Variants in IPO5 observed in about 807,000 individuals in gnomAD.
The protein encoded by IPO5 is importin-5.
IPO5 carries 18 observed loss-of-function variants against 143.3 expected under a neutral mutation model. The ratio of observed to expected loss-of-function variants is 0.13; its 90% CI spans 0.09 to 0.19. The LOEUF (loss-of-function observed/expected upper bound fraction) is 0.19. Among genes scored for constraint, IPO5 ranks in the 10% least tolerant of loss-of-function variants. The pLI, the probability that IPO5 is intolerant of heterozygous loss-of-function variation, is 1.00. For missense variants in IPO5, 1,013 were observed against 1,336.9 expected (o/e 0.76, Z 3.78); for synonymous variants, 477 against 465.7 (o/e 1.02, Z -0.31).
chr13:98,003,172 C>T (rs1166953290), intron 16 of IPO5, 135 bp downstream of exon 16: 12 of 713,342 alleles, frequency 1.7e-5, no homozygotes, highest in Admixed American at 2.6e-5. Context: ...GGAGGCTATT[C>T]GGAGTTGTGG....
At chr13:97,960,201 C>T (rs1171107842) in intron 2 of IPO5, 2 of 152,274 alleles carry the variant, frequency 1.3e-5, no homozygotes, top group African/African-American at 4.8e-5. Context: ...TATGTATGTC[C>T]TCACAATGCA....
At chr13:97,999,492 A>T (rs1444845611) in intron 12 of IPO5, among the ~76,000 whole-genome samples, 1 of 152,198 alleles carries the variant, frequency 6.6e-6, no homozygotes, top group Non-Finnish European at 1.5e-5. Flanking sequence ...TCTAAACTAG[A>T]TGAATAAGAT....
In IPO5 at chr13:97,976,747, C is replaced by G; in HGVS notation, c.51C>G (p.Asn17Lys). ...AACAGTTCTACCTGCTCCTGGGAAACCTGCTCAGCCCCGACAATGTGGTCC... is the reference window on the plus strand; with the variant it reads ...AACAGTTCTACCTGCTCCTGGGAAAGCTGCTCAGCCCCGACAATGTGGTCC... Reference protein sequence around the residue: ...EQQQFYLLLGNLLSPDNVVRK... With the variant: ...EQQQFYLLLGKLLSPDNVVRK... Residue 17 changes from asparagine to lysine, a missense_variant, in exon 4 of 29, where the codon AAC (asparagine) becomes AAG (lysine). Transcript: ENST00000651721. 1.4e-6 allele frequency: 2 copies of G among 1,415,856 alleles called. No homozygotes were observed. Among genetic ancestry groups the G allele is most frequent in the Non-Finnish European group, 1.9e-6 (2 of 1,060,498 alleles). The allele number at this position is 1,415,856 out of a possible 1,614,324, so 87.7% of individuals were successfully genotyped here.
intron 20 of IPO5, among the ~76,000 whole-genome samples, chr13:98,010,798 T>TTTTTTTTTTTTTA (rs1555311050): frequency 7.0e-6 from 1 of 143,662 alleles, no homozygotes; most frequent in Non-Finnish European, 1.5e-5. Context: ...TTTTTTTTTT[T>TTTTTTTTTTTTTA]GAGGTGGAGT....
chr13:98,015,500 T>G (rs757809913), intron 22 of IPO5, 30 bp from the exon 23 acceptor site: 28 of 1,322,590 alleles, frequency 2.1e-5, no homozygotes, highest in Non-Finnish European at 2.9e-5. Flanking sequence ...CCAAATCTTA[T>G]GGATTGCTTT....
At chr13:97,979,364 A>G (rs1038144143) in intron 4 of IPO5, among the ~76,000 whole-genome samples, 3 of 152,238 alleles carry the variant, frequency 2.0e-5, no homozygotes, top group Admixed American at 6.5e-5. Context: ...TAAAAAGTTA[A>G]AACTTTTTTC....
chr13:98,011,727 G>A lies in IPO5; in HGVS notation c.2056-519G>A, dbSNP rs1472800074. Among the ~76,000 whole-genome samples the A allele has an allele frequency of 4.6e-5, 7 of 152,176 alleles. No homozygotes were observed. In the South Asian group the frequency reaches 6.2e-4, roughly 14 times the overall value. On this transcript the variant is annotated intron_variant, in intron 20 of 28. Coordinates refer to ENST00000651721, the MANE Select transcript of IPO5 (RefSeq NM_002271.6). ...TCACTGTGTTGGCCAGGCTGGTCTC[G>A]AACTCCTGACCTCGTGATCTACCAG...
At chr13:97,956,392 CAGAA>C (rs1884461771) in intron 2 of IPO5, among the ~76,000 whole-genome samples, 2 of 152,048 alleles carry the variant, frequency 1.3e-5, no homozygotes, top group Admixed American at 1.3e-4. Context: ...TGCTTTTTTA[CAGAA>C]GTCAGAAGAA....
chr13:98,021,563 G>T (rs1890490056), intron 28 of IPO5, among the ~76,000 whole-genome samples, 173 bp from the exon 29 acceptor site: 1 of 152,134 alleles, frequency 6.6e-6, no homozygotes, highest in South Asian at 2.1e-4. Context: ...TACTGGAAAT[G>T]AAATGAACTT....
At chr13:98,004,865 A>T (rs911262683) in intron 16 of IPO5, among the ~76,000 whole-genome samples, 10 of 152,012 alleles carry the variant, frequency 6.6e-5, no homozygotes, top group Admixed American at 4.6e-4. Flanking sequence ...TCAGGTTCAT[A>T]TGAGTTAATA....
intron 16 of IPO5, among the ~76,000 whole-genome samples, chr13:98,005,665 G>C (rs1347700690): frequency 6.6e-6 from 1 of 152,026 alleles, no homozygotes. Context: ...AAGGCAGCAG[G>C]GTTCCTTCGT....
chr13:98,010,780 C>CT (rs71117688), intron 20 of IPO5, among the ~76,000 whole-genome samples: 2,032 of 70,046 alleles, frequency 0.029, 199 homozygotes, highest in African/African-American at 0.058. Flanking sequence ...AAGGATAATC[C>CT]TTTTTTTTTT....
At chr13:97,992,750 T>C in intron 9 of IPO5, 142 bp from the exon 10 acceptor site, 1 of 827,006 alleles carries the variant, frequency 1.2e-6, no homozygotes, top group Non-Finnish European at 1.9e-6. Flanking sequence ...GGTAGAACAT[T>C]TGCATAATAT....
At chr13:98,021,428 T>C (rs1890480296) in intron 28 of IPO5, 2 of 352,900 alleles carry the variant, frequency 5.7e-6, no homozygotes, top group African/African-American at 4.2e-5. Context: ...CAAGATTTAA[T>C]AATAACTTGT....
At chr13:97,990,307 C>G (rs564737408) in intron 8 of IPO5, 85 bp downstream of exon 8, 1 of 1,166,554 alleles carries the variant, frequency 8.6e-7, no homozygotes, top group African/African-American at 1.6e-5. Flanking sequence ...GTTGTTTTCA[C>G]TTTTATACTT....
chr13:98,011,155 CTT>C (rs748607398), intron 20 of IPO5, among the ~76,000 whole-genome samples: 5 of 152,042 alleles, frequency 3.3e-5, no homozygotes, highest in Non-Finnish European at 7.4e-5. Flanking sequence ...ATTATAAACA[CTT>C]TGGATTTTTG....
chr13:97,985,642 A>G, intron 6 of IPO5, 29 bp downstream of exon 6: 1 of 1,496,554 alleles, frequency 6.7e-7, no homozygotes, highest in Non-Finnish European at 9.3e-7. Flanking sequence ...TCATGTTACC[A>G]AGAACATGGG....
chr13:98,014,279 G>T, intron 22 of IPO5, 65 bp downstream of exon 22: 7 of 1,238,158 alleles, frequency 5.7e-6, no homozygotes, highest in East Asian at 4.9e-5. Flanking sequence ...CTTGCTAAAA[G>T]TAAAAAAAAA....
chr13:97,993,977 A>G (rs1339618136), intron 11 of IPO5, among the ~76,000 whole-genome samples: 1 of 152,216 alleles, frequency 6.6e-6, no homozygotes, highest in Middle Eastern at 3.2e-3. Flanking sequence ...TGACTGCCCC[A>G]GCTGATGCAT....
Sources: allele counts gnomAD v4.1 joint callset (sites outside exome capture counted in the v4.1 genomes callset), GRCh38; gene constraint gnomAD v4.1.1; transcripts MANE v1.5; gene names NCBI Gene and HGNC (gene_info 2026-07-23, HGNC 2026-07-21).